Variants in PRDM11 observed in about 807,000 individuals in gnomAD.
PRDM11 encodes PR/SET domain 11.
A neutral mutation model predicts 97.8 loss-of-function variants in PRDM11; 20 were observed. The ratio of observed to expected loss-of-function variants is 0.20; its 90% CI spans 0.14 to 0.30. The LOEUF is 0.30. Among genes scored for constraint, PRDM11 ranks in the 10% least tolerant of loss-of-function variants. The pLI is 1.00. For missense variants in PRDM11, 1,139 were observed against 1,555.2 expected (o/e 0.73, Z 4.50); for synonymous variants, 599 against 637.7 (o/e 0.94, Z 0.91).
intron 5 of PRDM11, among the ~76,000 whole-genome samples, chr11:45,212,211 T>A (rs941311178): frequency 1.3e-5 from 2 of 152,000 alleles, no homozygotes; most frequent in African/African-American, 4.8e-5. Flanking sequence ...GGTCTCCAAG[T>A]CCCCTGGCCT....
chr11:45,113,308 T>C (rs1852224516), intron 1 of PRDM11, among the ~76,000 whole-genome samples: 1 of 152,260 alleles, frequency 6.6e-6, no homozygotes, highest in Admixed American at 6.5e-5. Context: ...TCCATTGGTC[T>C]ACATGTGTGT....
chr11:45,145,856 C>T (rs1851495723), upstream of PRDM11, among the ~76,000 whole-genome samples: 1 of 152,178 alleles, frequency 6.6e-6, no homozygotes, highest in Non-Finnish European at 1.5e-5. Flanking sequence ...CACTCTGTGA[C>T]AATTCCACCC....
chr11:45,142,759 C>T (rs889957438), upstream of PRDM11, among the ~76,000 whole-genome samples: 10 of 152,170 alleles, frequency 6.6e-5, no homozygotes, highest in African/African-American at 1.4e-4. Flanking sequence ...TTCCAAGAGA[C>T]GGATCCCTCA....
intron 1 of PRDM11, among the ~76,000 whole-genome samples, chr11:45,180,522 A>AC (rs1341262264): frequency 6.7e-6 from 1 of 149,902 alleles, no homozygotes; most frequent in African/African-American, 2.5e-5. Flanking sequence ...ACCCGGAGCG[A>AC]CCCCCCGCGG....
At chr11:45,201,967 G>C (rs757492211) in intron 4 of PRDM11, among the ~76,000 whole-genome samples, 4 of 151,552 alleles carry the variant, frequency 2.6e-5, no homozygotes, top group African/African-American at 4.9e-5. Context: ...GCGAGACTCT[G>C]TCTCAAAAAA....
chr11:45,198,954 CA>C (rs1191352517), intron 4 of PRDM11, among the ~76,000 whole-genome samples: 1 of 152,150 alleles, frequency 6.6e-6, no homozygotes, highest in Non-Finnish European at 1.5e-5. Context: ...CTCAGTTTTC[CA>C]ATCTGTAAAA....
chr11:45,120,996 G>C (rs1852418697), intron 1 of PRDM11, among the ~76,000 whole-genome samples: 1 of 152,046 alleles, frequency 6.6e-6, no homozygotes, highest in Admixed American at 6.6e-5. Flanking sequence ...AATAATTCAG[G>C]GATGCAGTTT....
intron 1 of PRDM11, among the ~76,000 whole-genome samples, chr11:45,173,921 CA>C (rs1852265597): frequency 6.6e-6 from 1 of 152,158 alleles, no homozygotes. Flanking sequence ...CAGAAAAGTG[CA>C]CATATTGTAA....
rs116445382 is a variant in PRDM11, at chr11:45,151,504, C to T, written c.-7+4627C>T. ...CCTGGACCCCCATCTGGGTACCATT[C>T]GGTCCTTCATTCATTGACCAGGTGG... is the stretch of plus-strand genomic sequence containing the variant. On this transcript the variant is annotated intron_variant, in intron 1 of 7. Transcript: ENST00000683152. Among the ~76,000 whole-genome samples, 1,287 of 152,316 alleles carry T rather than the reference C, an allele frequency of 8.4e-3. 21 individuals are homozygous for T. The highest frequency in any genetic ancestry group is 0.029 in the African/African-American group (1,212 of 41,570).
intron 1 of PRDM11, among the ~76,000 whole-genome samples, chr11:45,111,527 T>C (rs1156670650): frequency 6.6e-6 from 1 of 152,096 alleles, no homozygotes; most frequent in Non-Finnish European, 1.5e-5. Flanking sequence ...TGAGAGACAA[T>C]GGCCTGAAAG....
intron 4 of PRDM11, among the ~76,000 whole-genome samples, chr11:45,191,739 C>T (rs1032831424): frequency 5.3e-5 from 8 of 151,990 alleles, no homozygotes; most frequent in Admixed American, 4.6e-4. Context: ...TGTTTAGGAG[C>T]CAAAATCTCT....
intron 4 of PRDM11, among the ~76,000 whole-genome samples, chr11:45,189,516 TG>T (rs145345507): frequency 0.025 from 3,774 of 152,282 alleles, 111 homozygotes; most frequent in African/African-American, 0.07. Context: ...TCCGCCCTTC[TG>T]GGCGCTGATA....
At chr11:45,187,250 T>C (rs1002996359) in intron 4 of PRDM11, among the ~76,000 whole-genome samples, 6 of 152,038 alleles carry the variant, frequency 3.9e-5, no homozygotes, top group African/African-American at 1.5e-4. Context: ...ACAGGGCAGA[T>C]TGGAGATGGA....
At chr11:45,159,176 G>A (rs569903140) in intron 1 of PRDM11, among the ~76,000 whole-genome samples, 2 of 152,318 alleles carry the variant, frequency 1.3e-5, no homozygotes, top group South Asian at 4.1e-4. Context: ...CAGGACAGTG[G>A]CCAAGAAAGT....
At chr11:45,194,590 C>A (rs200584746) in intron 4 of PRDM11, among the ~76,000 whole-genome samples, 1 of 89,960 alleles carries the variant, frequency 1.1e-5, no homozygotes, top group Non-Finnish European at 2.2e-5. Flanking sequence ...TTATTATCTT[C>A]TGTTTTTTTT....
intron 1 of PRDM11, among the ~76,000 whole-genome samples, chr11:45,103,080 C>T (rs866562294): frequency 4.7e-4 from 71 of 152,354 alleles, no homozygotes; most frequent in African/African-American, 1.6e-3. Context: ...CTCATATAAT[C>T]GTGAGCCCTA....
chr11:45,094,676 A>G (rs1239583011), upstream of PRDM11, among the ~76,000 whole-genome samples: 1 of 122,094 alleles, frequency 8.2e-6, no homozygotes, highest in African/African-American at 3.1e-5. Context: ...GGAAGGAGGG[A>G]TGGAAGGATG....
chr11:45,142,240 A>T (rs1382196683), upstream of PRDM11, among the ~76,000 whole-genome samples: 1 of 152,120 alleles, frequency 6.6e-6, no homozygotes, highest in East Asian at 1.9e-4. Context: ...CCTGGCAGAG[A>T]TCCCACCCAC....
chr11:45,095,999 C>A (rs930165593), intron 1 of PRDM11: 4 of 712,456 alleles, frequency 5.6e-6, no homozygotes, highest in Non-Finnish European at 1.0e-5. Context: ...TTTATTCAGG[C>A]CCCTGCTTGT....
Sources: allele counts gnomAD v4.1 joint callset (sites outside exome capture counted in the v4.1 genomes callset), GRCh38; gene constraint gnomAD v4.1.1; transcripts MANE v1.5; gene names NCBI Gene and HGNC (gene_info 2026-07-23, HGNC 2026-07-21).